PITPNC1: variants seen among roughly 807,000 people sequenced by gnomAD.
PITPNC1 encodes phosphatidylinositol transfer protein cytoplasmic 1.
Under a neutral mutation model 44.7 loss-of-function variants are expected in PITPNC1, and 18 were observed. The observed-to-expected ratio is 0.40, with a 90% CI of 0.28 to 0.60. The LOEUF (loss-of-function observed/expected upper bound fraction) is 0.60, where lower values mean the gene tolerates loss of function less well. PITPNC1 is among the 20% of genes least tolerant of loss of function. The pLI is 0.39. For missense variants in PITPNC1, 290 were observed against 418.4 expected (o/e 0.69, Z 2.68); for synonymous variants, 141 against 149.6 (o/e 0.94, Z 0.42).
chr17:67,417,042 G>A (rs1455106891), intron 1 of PITPNC1, among the ~76,000 whole-genome samples: 1 of 151,836 alleles, frequency 6.6e-6, no homozygotes, highest in Non-Finnish European at 1.5e-5. Context: ...AAAAACTCCC[G>A]ACCTCAGGTG....
chr17:67,445,225 G>A (rs2039078463), intron 1 of PITPNC1, among the ~76,000 whole-genome samples: 4 of 152,040 alleles, frequency 2.6e-5, no homozygotes, highest in Admixed American at 2.6e-4. Context: ...AACTCAGGGA[G>A]GGAATGGATC....
chr17:67,384,561 G>A (rs1290547539), intron 1 of PITPNC1, among the ~76,000 whole-genome samples: 9 of 152,144 alleles, frequency 5.9e-5, no homozygotes, highest in Non-Finnish European at 1.5e-5. Context: ...GAGTATCTGG[G>A]ATTACAGGCG....
intron 1 of PITPNC1, among the ~76,000 whole-genome samples, chr17:67,414,328 T>G (rs947947652): frequency 6.6e-6 from 1 of 152,140 alleles, no homozygotes; most frequent in African/African-American, 2.4e-5. Flanking sequence ...ATCAACCAAT[T>G]GTGGTATATC....
chr17:67,381,997 T>A (rs2037968371), intron 1 of PITPNC1, among the ~76,000 whole-genome samples: 1 of 152,152 alleles, frequency 6.6e-6, no homozygotes, highest in Non-Finnish European at 1.5e-5. Context: ...AAGGGTTAGG[T>A]AATGTGCTCC....
At chr17:67,395,860 C>G (rs2143809897) in intron 1 of PITPNC1, among the ~76,000 whole-genome samples, 1 of 152,264 alleles carries the variant, frequency 6.6e-6, no homozygotes, top group Middle Eastern at 3.4e-3. Flanking sequence ...ACAGATTGTA[C>G]TGTGCGGGCT....
intron 1 of PITPNC1, among the ~76,000 whole-genome samples, chr17:67,511,539 TACTCTGTC>T (rs2040184693): frequency 6.6e-6 from 1 of 152,082 alleles, no homozygotes; most frequent in African/African-American, 2.4e-5. Context: ...GACAGAGTCT[TACTCTGTC>T]ACTCAGGCTG....
At chr17:67,520,237 C>T (rs745817854) in intron 1 of PITPNC1, among the ~76,000 whole-genome samples, 1 of 152,154 alleles carries the variant, frequency 6.6e-6, no homozygotes, top group Non-Finnish European at 1.5e-5. Context: ...ATGGACCTCT[C>T]TGCTGCGAAC....
chr17:67,405,716 C>T (rs2038387440), intron 1 of PITPNC1, among the ~76,000 whole-genome samples: 1 of 151,852 alleles, frequency 6.6e-6, no homozygotes, highest in East Asian at 1.9e-4. Context: ...AGCGATTCTC[C>T]TGCCTCAGCC....
intron 6 of PITPNC1, among the ~76,000 whole-genome samples, chr17:67,661,186 A>G (rs1376293406): frequency 6.6e-6 from 1 of 151,924 alleles, no homozygotes; most frequent in Non-Finnish European, 1.5e-5. Context: ...TTCCAGGCCT[A>G]TGCATATGAT....
intron 8 of PITPNC1, among the ~76,000 whole-genome samples, chr17:67,690,502 A>G (rs2042905111): frequency 6.6e-6 from 1 of 151,988 alleles, no homozygotes; most frequent in Admixed American, 6.6e-5. Flanking sequence ...TGTGTTATGA[A>G]TATTCATTAC....
intron 5 of PITPNC1, among the ~76,000 whole-genome samples, chr17:67,590,205 G>C (rs1484500494): frequency 6.6e-6 from 1 of 152,100 alleles, no homozygotes; most frequent in East Asian, 1.9e-4. Context: ...GCAGGGGGTT[G>C]GTGGGGTGGA....
intron 5 of PITPNC1, chr17:67,612,894 G>A (rs1441055980): frequency 6.6e-6 from 1 of 152,180 alleles, no homozygotes; most frequent in East Asian, 1.9e-4. Context: ...GTGAGAATGA[G>A]AAAGAAATAA....
intron 6 of PITPNC1, among the ~76,000 whole-genome samples, chr17:67,663,101 A>G (rs1008241432): frequency 6.6e-6 from 1 of 152,140 alleles, no homozygotes; most frequent in Non-Finnish European, 1.5e-5. Context: ...TTTGTTGGCC[A>G]CCTGTATGTC....
chr17:67,546,659 C>T (rs112678465), intron 2 of PITPNC1, among the ~76,000 whole-genome samples: 23 of 152,344 alleles, frequency 1.5e-4, no homozygotes, highest in African/African-American at 5.3e-4. Context: ...CAGGAACCTG[C>T]AGGAGGCAGG....
chr17:67,592,574 C>T (rs1598861479), intron 5 of PITPNC1, among the ~76,000 whole-genome samples: 1 of 152,262 alleles, frequency 6.6e-6, no homozygotes, highest in Non-Finnish European at 1.5e-5. Context: ...TTCATCATAT[C>T]TGATAACAAA....
chr17:67,598,393 T>C (rs185193614), intron 5 of PITPNC1, among the ~76,000 whole-genome samples: 1 of 152,210 alleles, frequency 6.6e-6, no homozygotes, highest in East Asian at 1.9e-4. Context: ...AGGCGAGGAA[T>C]TTTTTTTAAG....
At chr17:67,590,367 A>G (rs904122082) in intron 5 of PITPNC1, among the ~76,000 whole-genome samples, 2 of 152,232 alleles carry the variant, frequency 1.3e-5, no homozygotes, top group African/African-American at 4.8e-5. Flanking sequence ...TCGGAAGACA[A>G]TAAGAATTGT....
At chr17:67,401,320 A>G (rs927740867) in intron 1 of PITPNC1, among the ~76,000 whole-genome samples, 3 of 152,184 alleles carry the variant, frequency 2.0e-5, no homozygotes, top group Non-Finnish European at 2.9e-5. Context: ...AGTCCTTTCT[A>G]TGATAATCTT....
At chr17:67,504,079 A>G (rs2040070500) in intron 1 of PITPNC1, among the ~76,000 whole-genome samples, 1 of 152,066 alleles carries the variant, frequency 6.6e-6, no homozygotes, top group Non-Finnish European at 1.5e-5. Context: ...AGAGACAGAG[A>G]AATGAGGGGT....
Sources: gnomAD v4.1 joint callset for allele counts (sites outside exome capture counted in the v4.1 genomes callset) on GRCh38, gnomAD v4.1.1 for gene constraint, MANE v1.5 for transcripts, NCBI Gene and HGNC (gene_info 2026-07-23, HGNC 2026-07-21) for gene names.